Variants in TXLNG observed in about 807,000 individuals in gnomAD.
The protein encoded by TXLNG is gamma-taxilin.
Under a neutral mutation model 38.8 loss-of-function variants are expected in TXLNG, and 5 were observed. The ratio of observed to expected loss-of-function variants is 0.13; its 90% confidence interval spans 0.07 to 0.27. TXLNG has a LOEUF of 0.27. TXLNG is among the 10% of genes least tolerant of loss of function. The pLI is 1.00. For missense variants in TXLNG, 393 were observed against 398.2 expected, an observed-to-expected ratio of 0.99 and a Z score of 0.11; for synonymous variants, 182 against 158.2, an observed-to-expected ratio of 1.15 and a Z score of -1.13.
chrX:16,796,854 A>C (rs1348092847), intron 1 of TXLNG, among the ~76,000 whole-genome samples: 1 of 111,264 alleles, frequency 9.0e-6, no homozygotes, highest in Non-Finnish European at 1.9e-5. Flanking sequence ...GCAGTTCTCA[A>C]ACTTCGGTTT....
chrX:16,818,948 A>C, intron 2 of TXLNG, 71 bp downstream of exon 2: 1 of 1,063,382 alleles, frequency 9.4e-7, no homozygotes, highest in Non-Finnish European at 1.2e-6. Flanking sequence ...CAGCCCAGAT[A>C]ATTTTGAACA....
chrX:16,809,592 C>T (rs1275298166), intron 1 of TXLNG, among the ~76,000 whole-genome samples: 1 of 110,374 alleles, frequency 9.1e-6, no homozygotes, highest in Non-Finnish European at 1.9e-5. Flanking sequence ...TATCTGCCCG[C>T]CTCAGCCTCC....
chrX:16,811,700 G>A lies in TXLNG; in HGVS notation c.103-6874G>A, dbSNP rs1334112345. Among the ~76,000 whole-genome samples, 4 of 104,362 alleles carry A rather than the reference G, an allele frequency of 3.8e-5. No homozygotes were observed. In the East Asian group the frequency reaches 1.2e-3, roughly 32 times the overall value. 90.6% of individuals were successfully genotyped at this position (104,362 alleles called of 115,157 possible). A position where few individuals can be genotyped will look rare whatever the true frequency, so the allele number is the denominator to read the frequency against. ...CTGCCAGGCTGGAGTGCAGTGACCC[G>A]ATCTCGGCTCAGTGCAACCTCTGCT... On this transcript the variant is annotated intron_variant, in intron 1 of 9. Transcript: ENST00000380122.
intron 1 of TXLNG, among the ~76,000 whole-genome samples, chrX:16,786,800 G>A (rs1470219589): frequency 2.7e-5 from 3 of 109,495 alleles, no homozygotes; most frequent in African/African-American, 1.0e-4. Flanking sequence ...TTGGGGTTTG[G>A]CGGCGCGCGG....
At chrX:16,827,797 A>G (rs1444633898) in intron 3 of TXLNG, among the ~76,000 whole-genome samples, 2 of 112,005 alleles carry the variant, frequency 1.8e-5, no homozygotes, top group Non-Finnish European at 3.8e-5. Flanking sequence ...CATTTCTTCT[A>G]TAAAACCTGG....
chrX:16,835,990 C>T (rs1046915520), intron 7 of TXLNG, among the ~76,000 whole-genome samples: 2 of 112,574 alleles, frequency 1.8e-5, no homozygotes, highest in Admixed American at 9.4e-5. Context: ...ACTGTGCCTG[C>T]GAGGCGCAGT....
intron 1 of TXLNG, among the ~76,000 whole-genome samples, chrX:16,815,663 A>G (rs1928712639): frequency 9.0e-6 from 1 of 111,210 alleles, no homozygotes; most frequent in Non-Finnish European, 1.9e-5. Flanking sequence ...CTGGGATTAC[A>G]GGCATGCTCC....
chrX:16,836,591 C>T (rs776920712), intron 7 of TXLNG, among the ~76,000 whole-genome samples: 30 of 112,143 alleles, frequency 2.7e-4, no homozygotes, highest in African/African-American at 9.7e-4. Context: ...TTAAGTGCTT[C>T]CGGGATGGCC....
intron 6 of TXLNG, among the ~76,000 whole-genome samples, chrX:16,833,023 G>C (rs1295568538): frequency 8.9e-6 from 1 of 111,907 alleles, no homozygotes; most frequent in Non-Finnish European, 1.9e-5. Context: ...TGCACTTGTT[G>C]TTTTTCTGTG....
At chrX:16,801,697 G>C (rs924788216) in intron 1 of TXLNG, among the ~76,000 whole-genome samples, 1 of 111,435 alleles carries the variant, frequency 9.0e-6, no homozygotes, top group Non-Finnish European at 1.9e-5. Context: ...AGCTAGTGGG[G>C]TTGGAGGGAA....
chrX:16,836,243 CAG>C (rs1245902933), intron 7 of TXLNG, among the ~76,000 whole-genome samples: 4 of 112,040 alleles, frequency 3.6e-5, no homozygotes, highest in Admixed American at 9.4e-5. Context: ...GCCTGAGCGA[CAG>C]AGTGAGACCC....
At chrX:16,814,242 G>C (rs977299781) in intron 1 of TXLNG, among the ~76,000 whole-genome samples, 1 of 111,712 alleles carries the variant, frequency 9.0e-6, no homozygotes, top group Non-Finnish European at 1.9e-5. Context: ...TCTGTATAAG[G>C]GATATTATTC....
At chrX:16,809,404 C>T (rs1489404428) in intron 1 of TXLNG, among the ~76,000 whole-genome samples, 3 of 94,693 alleles carry the variant, frequency 3.2e-5, no homozygotes, top group African/African-American at 8.0e-5. Context: ...AGTGCAGTGG[C>T]GTGATCTCGG....
At chrX:16,834,500 A>C (rs2147497096) in intron 7 of TXLNG, 143 bp downstream of exon 7, 28 of 400,654 alleles carry the variant, frequency 7.0e-5, no homozygotes, top group Non-Finnish European at 9.2e-5. Context: ...CAGAAATCTC[A>C]TGGCCCTCTT....
chrX:16,840,449 G>A, intron 9 of TXLNG: 1 of 754,442 alleles, frequency 1.3e-6, no homozygotes, highest in East Asian at 1.5e-4. Context: ...CTTCAGGAAA[G>A]AAAGAAAACG....
intron 2 of TXLNG, among the ~76,000 whole-genome samples, chrX:16,819,339 A>T (rs954569985): frequency 1.8e-5 from 2 of 111,398 alleles, no homozygotes; most frequent in African/African-American, 6.5e-5. Context: ...TTCATTAATA[A>T]AATTTTATGT....
intron 3 of TXLNG, among the ~76,000 whole-genome samples, chrX:16,824,441 T>C (rs1929096673): frequency 1.8e-5 from 2 of 112,139 alleles, no homozygotes; most frequent in Non-Finnish European, 3.8e-5. Flanking sequence ...AAGGCTTAAA[T>C]GTCAAAAATT....
chrX:16,794,731 T>G (rs1927821512), intron 1 of TXLNG, among the ~76,000 whole-genome samples: 1 of 111,465 alleles, frequency 9.0e-6, no homozygotes, highest in Non-Finnish European at 1.9e-5. Context: ...TAAAGGACCA[T>G]TTTACATCTA....
At chrX:16,790,684 C>T (rs1439505008) in intron 1 of TXLNG, among the ~76,000 whole-genome samples, 1 of 112,191 alleles carries the variant, frequency 8.9e-6, no homozygotes, top group Non-Finnish European at 1.9e-5. Context: ...TTAACAAAAT[C>T]TTGCATTTAC....
Sources: gnomAD v4.1 joint callset for allele counts (sites outside exome capture counted in the v4.1 genomes callset) on GRCh38, gnomAD v4.1.1 for gene constraint, MANE v1.5 for transcripts, NCBI Gene and HGNC (gene_info 2026-07-23, HGNC 2026-07-21) for gene names.